Variants in NCKAP5 observed in about 807,000 individuals in gnomAD.
The protein encoded by NCKAP5 is NCK associated protein 5, also known as nck-associated protein 5.
A neutral mutation model predicts 167.0 loss-of-function variants in NCKAP5; 92 were observed. The observed-to-expected ratio is 0.55, with a 90% CI of 0.47 to 0.66. The LOEUF (loss-of-function observed/expected upper bound fraction) is 0.66. Ranked by LOEUF, NCKAP5 falls within the 30% of genes least tolerant of loss-of-function variation. The probability of loss-of-function intolerance (pLI) is 0.00; values close to 1 mark genes in which losing one functional copy is unlikely to be tolerated. For missense variants in NCKAP5, 2,378 were observed against 2,315.0 expected, an observed-to-expected ratio of 1.03 and a Z score of -0.56; for synonymous variants, 891 against 877.4, an observed-to-expected ratio of 1.02 and a Z score of -0.27.
intron 9 of NCKAP5, among the ~76,000 whole-genome samples, chr2:132,872,156 G>A (rs755244122): frequency 2.6e-5 from 4 of 152,198 alleles, no homozygotes; most frequent in Non-Finnish European, 5.9e-5. Context: ...AACAAAGCTG[G>A]CAGTCCTTAA....
chr2:133,213,683 T>C (rs773415985), intron 5 of NCKAP5, 33 bp downstream of exon 5: 3 of 1,609,648 alleles, frequency 1.9e-6, no homozygotes, highest in Non-Finnish European at 2.5e-6. Context: ...CCTCTGGATG[T>C]TGTGGAATGA....
At chr2:133,617,617 A>G in the NCKAP5 span, among the ~76,000 whole-genome samples, 6 of 146,898 alleles carry the variant, frequency 4.1e-5, no homozygotes, top group African/African-American at 1.5e-4. Context: ...GACCTCTTCA[A>G]GGAGAACTAC....
intron 13 of NCKAP5, among the ~76,000 whole-genome samples, chr2:132,787,790 C>A (rs1349684298): frequency 2.6e-5 from 4 of 152,074 alleles, no homozygotes; most frequent in African/African-American, 7.2e-5. Flanking sequence ...AAAGGAGCTG[C>A]CACAGTGTAA....
At chr2:133,095,571 C>A (rs1242088372) in intron 6 of NCKAP5, among the ~76,000 whole-genome samples, 2 of 152,138 alleles carry the variant, frequency 1.3e-5, no homozygotes, top group Non-Finnish European at 2.9e-5. Flanking sequence ...GGGGTGCAGC[C>A]CCCAGCCAAG....
At chr2:132,677,623 T>G (rs1452241075) in intron 19 of NCKAP5, among the ~76,000 whole-genome samples, 1 of 152,050 alleles carries the variant, frequency 6.6e-6, no homozygotes, top group Admixed American at 6.6e-5. Flanking sequence ...CTATTATGCC[T>G]CTATTGCAAC....
the NCKAP5 span, among the ~76,000 whole-genome samples, chr2:133,587,096 T>A: frequency 6.6e-6 from 1 of 152,170 alleles, no homozygotes; most frequent in African/African-American, 2.4e-5. Flanking sequence ...CTACCTGACG[T>A]CCTCACCTTT....
At chr2:133,663,145 A>T in the NCKAP5 span, among the ~76,000 whole-genome samples, 1 of 152,226 alleles carries the variant, frequency 6.6e-6, no homozygotes, top group Non-Finnish European at 1.5e-5. Context: ...GGGCGCCTGT[A>T]GTCCCAGCTA....
chr2:133,398,375 A>G (rs1033752623), intron 3 of NCKAP5, among the ~76,000 whole-genome samples: 8 of 152,220 alleles, frequency 5.3e-5, no homozygotes, highest in African/African-American at 1.9e-4. Context: ...TGGCACATGT[A>G]TCCCTATTAA....
chr2:133,028,934 T>C (rs1379113165), intron 6 of NCKAP5, among the ~76,000 whole-genome samples: 2 of 152,184 alleles, frequency 1.3e-5, no homozygotes, highest in Non-Finnish European at 2.9e-5. Context: ...CGCTCTCTTG[T>C]TCCTGGTTTC....
chr2:133,472,116 C>G (rs560644194), intron 3 of NCKAP5, among the ~76,000 whole-genome samples: 1 of 152,238 alleles, frequency 6.6e-6, no homozygotes, highest in East Asian at 1.9e-4. Context: ...TGCAGCAAAT[C>G]ACCCCTTTTA....
At chr2:132,739,016 C>T (rs1691783995) in intron 16 of NCKAP5, among the ~76,000 whole-genome samples, 1 of 152,196 alleles carries the variant, frequency 6.6e-6, no homozygotes, top group Non-Finnish European at 1.5e-5. Context: ...ATAAACTATG[C>T]TTCTTCCAAA....
the NCKAP5 span, among the ~76,000 whole-genome samples, chr2:133,584,941 A>AGAAGGAAGGAAG: frequency 0.13 from 14,500 of 113,686 alleles, 1,247 homozygotes; most frequent in South Asian, 0.17. Context: ...AAAAAAAGAA[A>AGAAGGAAGGAAG]GAAGGAAGGA....
chr2:133,229,324 G>A (rs1310280067), intron 4 of NCKAP5, among the ~76,000 whole-genome samples: 2 of 152,082 alleles, frequency 1.3e-5, no homozygotes, highest in Non-Finnish European at 2.9e-5. Flanking sequence ...AGAAATGAGG[G>A]CATTTCTTGT....
chr2:132,772,904 T>A (rs1682207221), intron 16 of NCKAP5, among the ~76,000 whole-genome samples: 2 of 151,946 alleles, frequency 1.3e-5, no homozygotes, highest in Non-Finnish European at 1.5e-5. Flanking sequence ...AGACTGAGAG[T>A]AGGCAGCTAA....
intron 5 of NCKAP5, among the ~76,000 whole-genome samples, chr2:133,197,473 A>G (rs1347724069): frequency 1.3e-5 from 2 of 152,212 alleles, no homozygotes; most frequent in East Asian, 3.8e-4. Flanking sequence ...AAAGAATACC[A>G]TAATACAATA....
At chr2:133,517,007 A>T in intron 3 of NCKAP5, among the ~76,000 whole-genome samples, 1 of 152,254 alleles carries the variant, frequency 6.6e-6, no homozygotes, top group East Asian at 1.9e-4. Flanking sequence ...AAGTTAGTTT[A>T]CAGACAACTG....
At chr2:133,632,930 A>G in the NCKAP5 span, among the ~76,000 whole-genome samples, 2 of 152,192 alleles carry the variant, frequency 1.3e-5, no homozygotes, top group African/African-American at 4.8e-5. Context: ...GGAAAAAAGA[A>G]TCACCTTAAG....
intron 6 of NCKAP5, among the ~76,000 whole-genome samples, chr2:133,110,325 G>A (rs1171821630): frequency 6.6e-6 from 1 of 152,192 alleles, no homozygotes. Flanking sequence ...GGGCAATAAA[G>A]TATTTACAAC....
At chr2:132,711,935 A>G (rs536251590) in intron 19 of NCKAP5, among the ~76,000 whole-genome samples, 1 of 152,326 alleles carries the variant, frequency 6.6e-6, no homozygotes, top group African/African-American at 2.4e-5. Context: ...GGGGAGAATA[A>G]GCAGAAATAA....
Sources: allele counts gnomAD v4.1 joint callset (sites outside exome capture counted in the v4.1 genomes callset), GRCh38; gene constraint gnomAD v4.1.1; transcripts MANE v1.5; gene names NCBI Gene and HGNC (gene_info 2026-07-23, HGNC 2026-07-21).